NXN: variants seen among roughly 807,000 people sequenced by gnomAD.
The protein encoded by NXN is nucleoredoxin.
In NXN, 16 loss-of-function variants were observed where a neutral mutation model predicts 48.6. The observed-to-expected ratio is 0.33, with a 90% CI of 0.22 to 0.50. The LOEUF (loss-of-function observed/expected upper bound fraction) is 0.50. Among genes scored for constraint, NXN ranks in the 20% least tolerant of loss-of-function variants. The pLI, the probability that NXN is intolerant of heterozygous loss-of-function variation, is 0.98. For missense variants in NXN, 492 were observed against 605.5 expected (o/e 0.81, Z 1.97); for synonymous variants, 281 against 269.6 (o/e 1.04, Z -0.41).
chr17:959,141 A>G, intron 1 of NXN: 2 of 500,760 alleles, frequency 4.0e-6, no homozygotes, highest in Non-Finnish European at 3.2e-6. Flanking sequence ...CAGCAACAAG[A>G]GCCGAGCGCC....
At chr17:950,197 ATC>A (rs1215969433) in intron 1 of NXN, among the ~76,000 whole-genome samples, 1 of 152,176 alleles carries the variant, frequency 6.6e-6, no homozygotes, top group Non-Finnish European at 1.5e-5. Flanking sequence ...TCAGATCAAC[ATC>A]ACGGACTGCA....
chr17:934,889 GA>G lies in NXN; in HGVS notation c.360+44429del, dbSNP rs1439444502. ...GCCATCTCAAAAAAAAGAAAAGAAA[GA>G]ACATTCTTTTAGCCCAGTCCCAAGC... On this transcript the variant is annotated intron_variant, in intron 1 of 7. Coordinates refer to ENST00000336868, the MANE Select transcript of NXN (RefSeq NM_022463.5). Among the ~76,000 whole-genome samples the G allele has an allele frequency of 7.2e-5, 11 of 152,054 alleles. 1 individual carries two copies. The highest frequency in any genetic ancestry group is 2.7e-4 in the African/African-American group (11 of 41,408).
chr17:948,007 C>T (rs2069065345), intron 1 of NXN, among the ~76,000 whole-genome samples: 1 of 151,266 alleles, frequency 6.6e-6, no homozygotes, highest in East Asian at 1.9e-4. Context: ...GCAGAGATGG[C>T]ACCACAGCAC....
Position 948,545 on chromosome 17 carries a change from C to T in NXN, c.360+30774G>A, listed in dbSNP as rs78893748. Among the ~76,000 whole-genome samples the T allele has an allele frequency of 9.9e-3, 1,502 of 152,068 alleles. 24 individuals carry two copies. The highest frequency in any genetic ancestry group is 0.048 in the South Asian group (233 of 4,818). On this transcript the variant is annotated intron_variant, in intron 1 of 7. Coordinates refer to ENST00000336868, the MANE Select transcript of NXN (RefSeq NM_022463.5). ...TGGAACTGTACAGGGCCCGGCCCTG[C>T]GCTGGGGACCTAGCGGTGAACAAGC... is the stretch of plus-strand genomic sequence containing the variant.
Position 841,417 on chromosome 17 carries a change from CGGCGCATCTCACACGGGCG to C in NXN, c.361-15358_361-15340del, listed in dbSNP as rs1914200617. ...CCGGCGAGCAGGTCCCCCCTGACCA[CGGCGCATCTCACACGGGCG>C]AGCAGGTCCCCCTGACCACGGCGCA... On this transcript the variant is annotated intron_variant, in intron 1 of 7. Transcript: ENST00000336868. Among the ~76,000 whole-genome samples, 2 of 120,312 alleles carry C rather than the reference CGGCGCATCTCACACGGGCG, an allele frequency of 1.7e-5. 1 individual carries two copies. The highest frequency in any genetic ancestry group is 3.9e-5 in the Non-Finnish European group (2 of 50,636). The allele number at this position is 120,312 out of a possible 152,430, so 78.9% of individuals were successfully genotyped here.
At chr17:801,189 T>C in intron 7 of NXN, 58 bp from the exon 8 acceptor site, 14 of 1,237,118 alleles carry the variant, frequency 1.1e-5, no homozygotes, top group Non-Finnish European at 1.5e-5. Flanking sequence ...AGGGGGAGAG[T>C]CCCCTGGGCC....
At chr17:858,935 C>G (rs542217450) in intron 1 of NXN, among the ~76,000 whole-genome samples, 1 of 152,238 alleles carries the variant, frequency 6.6e-6, no homozygotes, top group African/African-American at 2.4e-5. Flanking sequence ...CAAGAGCAGG[C>G]AGGGGCCAAT....
chr17:876,822 G>A (rs2068221605), intron 1 of NXN, among the ~76,000 whole-genome samples: 2 of 152,022 alleles, frequency 1.3e-5, no homozygotes, highest in South Asian at 2.1e-4. Flanking sequence ...GGGGGCGGGG[G>A]GATCACCTGA....
intron 1 of NXN, among the ~76,000 whole-genome samples, chr17:922,493 T>C (rs1411714400): frequency 2.6e-5 from 4 of 152,068 alleles, no homozygotes; most frequent in Non-Finnish European, 5.9e-5. Flanking sequence ...GGAAATAGGA[T>C]GGGGCCACGA....
chr17:921,154 C>T (rs1325061843), intron 1 of NXN, among the ~76,000 whole-genome samples: 1 of 152,192 alleles, frequency 6.6e-6, no homozygotes, highest in East Asian at 1.9e-4. Flanking sequence ...ACCCTCAGAG[C>T]AGCGGCTGGC....
intron 1 of NXN, among the ~76,000 whole-genome samples, chr17:835,104 C>G (rs112921974): frequency 3.0e-4 from 45 of 151,132 alleles, no homozygotes; most frequent in East Asian, 1.6e-3. Flanking sequence ...GTCAGGAGAT[C>G]GAGACCATCC....
At position 806,391 on chromosome 17, in the gene NXN, G is replaced by A. The variant is rs138810245; in HGVS notation, c.821-1144C>T. The stretch of plus-strand genomic sequence containing the variant: ...GCAAACCAGAAACCGCGCAACCCCA[G>A]CCAAAAAGCCTTCAATGAAAACTCA... On this transcript the variant is annotated intron_variant, in intron 5 of 7. Coordinates refer to ENST00000336868, the MANE Select transcript of NXN (RefSeq NM_022463.5). Among the ~76,000 whole-genome samples, 511 of 149,920 alleles carry A rather than the reference G, an allele frequency of 3.4e-3. 2 individuals are homozygous for A. Among genetic ancestry groups the A allele is most frequent in the Middle Eastern group, 0.022 (6 of 274 alleles).
intron 1 of NXN, among the ~76,000 whole-genome samples, chr17:977,631 T>C (rs1304553773): frequency 2.0e-5 from 3 of 152,270 alleles, no homozygotes; most frequent in Non-Finnish European, 4.4e-5. Context: ...CATAATTCTA[T>C]GTTTTCAAAA....
At chr17:955,944 C>T (rs923524711) in intron 1 of NXN, among the ~76,000 whole-genome samples, 2 of 152,124 alleles carry the variant, frequency 1.3e-5, no homozygotes, top group South Asian at 2.1e-4. Context: ...ACTGGCCCAG[C>T]CATACAGAGG....
At chr17:882,564 C>T (rs1400055957) in intron 1 of NXN, among the ~76,000 whole-genome samples, 1 of 151,810 alleles carries the variant, frequency 6.6e-6, no homozygotes, top group Non-Finnish European at 1.5e-5. Flanking sequence ...CTCCCGGGTT[C>T]ACGCCATTCT....
chr17:847,603 G>A (rs2067878641), intron 1 of NXN, among the ~76,000 whole-genome samples: 1 of 152,110 alleles, frequency 6.6e-6, no homozygotes, highest in Non-Finnish European at 1.5e-5. Context: ...CACAGCAAAA[G>A]GAATCGTGTC....
chr17:915,651 G>A (rs879705756), intron 1 of NXN, among the ~76,000 whole-genome samples: 8 of 152,192 alleles, frequency 5.3e-5, no homozygotes, highest in Admixed American at 2.0e-4. Flanking sequence ...TAACGCTTCC[G>A]AGCTTTGGTG....
At chr17:957,727 G>A (rs533658485) in intron 1 of NXN, among the ~76,000 whole-genome samples, 5 of 151,712 alleles carry the variant, frequency 3.3e-5, no homozygotes, top group East Asian at 1.9e-4. Context: ...CTCCTATCCC[G>A]TCAAGGAGGT....
At chr17:939,438 C>A (rs1207859509) in intron 1 of NXN, among the ~76,000 whole-genome samples, 4 of 150,958 alleles carry the variant, frequency 2.6e-5, no homozygotes, top group Non-Finnish European at 5.9e-5. Flanking sequence ...CTCTGCCTCG[C>A]AGGTTCAAGT....
Sources: allele counts gnomAD v4.1 joint callset (sites outside exome capture counted in the v4.1 genomes callset), GRCh38; gene constraint gnomAD v4.1.1; transcripts MANE v1.5; gene names NCBI Gene and HGNC (gene_info 2026-07-23, HGNC 2026-07-21).